The following UTP20 variants were observed in gnomAD, a reference collection of about 807,000 sequenced individuals.
The protein encoded by UTP20 is small subunit processome component 20 homolog.
Under a neutral mutation model 329.5 loss-of-function variants are expected in UTP20, and 164 were observed. The ratio of observed to expected loss-of-function variants is 0.50; its 90% CI spans 0.44 to 0.57. The LOEUF (loss-of-function observed/expected upper bound fraction) is 0.57. UTP20 is among the 20% of genes least tolerant of loss of function. UTP20 has a pLI of 0.00. For synonymous variants in UTP20, 1,151 were observed against 1,159.3 expected, an observed-to-expected ratio of 0.99 and a Z score of 0.14; for missense variants, 3,055 against 3,284.2, an observed-to-expected ratio of 0.93 and a Z score of 1.71.
chr12:101,320,425 G>A (rs1286155284), intron 23 of UTP20, among the ~76,000 whole-genome samples: 1 of 152,016 alleles, frequency 6.6e-6, no homozygotes. Flanking sequence ...GTGTGGTGGT[G>A]GGTGCCTGTG....
Position 101,353,058 on chromosome 12 carries a change from T to A in UTP20, c.5036T>A (p.Ile1679Lys). Residue 1679 changes from isoleucine to lysine, a missense_variant, in exon 40 of 62, where the codon ATA becomes AAA. Physicochemically the swap from Ile to Lys is moderately radical, Grantham distance 102. This residue lies in a region of UTP20 where 2,445 missense variants were observed against 2,575.5 expected (regional missense o/e 0.95). Transcript: ENST00000261637. ...TTTTTTTTTAACAGTTTGCTAGTAA[T>A]AGTGTTAGAAGCATTCCACTTTGAC... ...NQKLGVSLLVIVLEAFHFDHK... is the reference protein window; with the variant it reads ...NQKLGVSLLVKVLEAFHFDHK... 1 of 1,563,248 alleles carries A rather than the reference T, an allele frequency of 6.4e-7. No individual in the cohort carries two copies. Among genetic ancestry groups the A allele is most frequent in the Non-Finnish European group, 8.7e-7 (1 of 1,149,196 alleles).
chr12:101,307,403 G>T (rs576286137), intron 17 of UTP20, among the ~76,000 whole-genome samples: 77 of 151,616 alleles, frequency 5.1e-4, no homozygotes, highest in African/African-American at 1.6e-3. Flanking sequence ...TTTTTACGGG[G>T]TCTCACTCTG....
At chr12:101,307,328 A>G (rs1872668413) in intron 17 of UTP20, among the ~76,000 whole-genome samples, 2 of 139,246 alleles carry the variant, frequency 1.4e-5, no homozygotes, top group Admixed American at 1.4e-4. Context: ...CACACACATA[A>G]TTTAAACAAA....
Position 101,346,322 on chromosome 12 carries a change from T to C in UTP20, c.4747-129T>C, listed in dbSNP as rs112545285. ...CATCTCGGCCTCCCGAGTGCTAGGA[T>C]TACAGGCATGAGCCACCGCACCTGG... On this transcript the variant is annotated intron_variant, in intron 37 of 61. Transcript: ENST00000261637. 6.0e-3 allele frequency: 6,683 copies of C among 1,122,622 alleles called. 272 individuals carry two copies. The African/African-American group carries it at 0.096, about 16-fold the overall frequency. 69.5% of individuals were successfully genotyped at this position (1,122,622 alleles called of 1,614,324 possible).
At chr12:101,344,982 G>C (rs1869275150) in intron 36 of UTP20, among the ~76,000 whole-genome samples, 1 of 112,796 alleles carries the variant, frequency 8.9e-6, no homozygotes, top group Non-Finnish European at 1.6e-5. Flanking sequence ...GTCTCGCTCT[G>C]TTGCCCAGGC....
rs375436177 is a variant in UTP20, at chr12:101,369,709, T to C, written c.6385-12T>C. The C allele has an allele frequency of 2.1e-5, 31 of 1,445,124 alleles. No individual in the cohort carries two copies. Among genetic ancestry groups the C allele is most frequent in the Non-Finnish European group, 2.7e-5 (28 of 1,027,764 alleles). 89.5% of individuals were successfully genotyped at this position (1,445,124 alleles called of 1,614,324 possible). On this transcript the variant is annotated splice_polypyrimidine_tract_variant and intron_variant, in intron 48 of 61. Coordinates refer to ENST00000261637, the MANE Select transcript of UTP20 (RefSeq NM_014503.3). Reference sequence around the variant, plus strand: ...ATCACAAGTTGGTGGTGTTTTGTTTTGTTTTTTTCAGGTGATCACAGGTGC... The same window carrying C: ...ATCACAAGTTGGTGGTGTTTTGTTTCGTTTTTTTCAGGTGATCACAGGTGC...
At position 101,366,569 on chromosome 12, in the gene UTP20, C is replaced by T; in HGVS notation, c.6137C>T (p.Ala2046Val). The change falls in exon 47 of 62, where the codon GCC becomes GTC. Residue 2046 changes from alanine (A) to valine (V), a missense_variant. Physicochemically the swap from Ala to Val is moderately conservative, Grantham distance 64 (BLOSUM62 0). Coordinates refer to ENST00000261637, the MANE Select transcript of UTP20 (RefSeq NM_014503.3). ...CACGTGATTGACAGAAATCCAGTAG[C>T]CCCAGCACCAGATCCACGTCTACCA... ...LLTEKEKNPV[A>V]PAPDPRLPPQ... 6.2e-7 allele frequency: 1 copy of T among 1,613,210 alleles called. No homozygotes were observed.
At position 101,291,901 on chromosome 12, in the gene UTP20, C is replaced by T. The variant is rs780428530; in HGVS notation, c.1038+13C>T. The T allele has an allele frequency of 3.0e-5, 49 of 1,608,540 alleles. 2 individuals are homozygous for T. The South Asian group carries it at 5.1e-4, about 17-fold the overall frequency. On this transcript the variant is annotated intron_variant, in intron 9 of 61. Coordinates refer to ENST00000261637, the MANE Select transcript of UTP20 (RefSeq NM_014503.3). ...TGATGTCTGTAAGGTGAGTTCCCAA[C>T]TTAATATGCTCGAGAGTCTGGTTTT...
intron 2 of UTP20, 54 bp from the exon 3 acceptor site, chr12:101,285,516 T>C: frequency 1.3e-6 from 2 of 1,542,058 alleles, no homozygotes; most frequent in South Asian, 1.1e-5. Flanking sequence ...CTATTTACCT[T>C]GATCATTGCT....
intron 11 of UTP20, among the ~76,000 whole-genome samples, chr12:101,293,790 C>G (rs1872250979): frequency 1.3e-5 from 2 of 152,096 alleles, no homozygotes; most frequent in African/African-American, 4.8e-5. Flanking sequence ...TTGTACCTGT[C>G]CAAGATCTGT....
Position 101,290,866 on chromosome 12 carries a change from G to T in UTP20, c.869G>T (p.Gly290Val), listed in dbSNP as rs1259244073. 6.2e-7 allele frequency: 1 copy of T among 1,612,416 alleles called. No individual in the cohort carries two copies. The highest frequency in any genetic ancestry group is 1.1e-5 in the South Asian group (1 of 90,438). ...TVSYISKEHF[G>V]TFFECLQESL... ...TCCTACATCTCCAAGGAACATTTTG[G>T]TACATTTTTTGAATGTTTGCAAGTG... The change falls in exon 8 of 62, where the codon GGT becomes GTT. Residue 290 changes from glycine (G) to valine (V), a missense_variant. Gly to Val is a moderately radical substitution (Grantham distance 109). This residue lies in a region of UTP20 where 2,445 missense variants were observed against 2,575.5 expected (regional missense o/e 0.95). Transcript: ENST00000261637.
chr12:101,309,681 A>G, intron 18 of UTP20, 82 bp from the exon 19 acceptor site: 2 of 1,404,390 alleles, frequency 1.4e-6, no homozygotes, highest in Non-Finnish European at 2.0e-6. Flanking sequence ...AGGTTGTCCA[A>G]CTTGGGATGT....
intron 14 of UTP20, among the ~76,000 whole-genome samples, chr12:101,301,107 C>G (rs1872510000): frequency 6.6e-6 from 1 of 152,070 alleles, no homozygotes; most frequent in Non-Finnish European, 1.5e-5. Flanking sequence ...AGCTTGCAGT[C>G]CATATAGAAA....
chr12:101,353,801 T>C (rs1869622099), intron 40 of UTP20, among the ~76,000 whole-genome samples: 1 of 152,216 alleles, frequency 6.6e-6, no homozygotes, highest in Non-Finnish European at 1.5e-5. Flanking sequence ...TAATAAACAT[T>C]ACTAGGAATT....
chr12:101,305,209 G>A (rs552577484), intron 15 of UTP20, among the ~76,000 whole-genome samples: 2 of 151,802 alleles, frequency 1.3e-5, no homozygotes, highest in African/African-American at 4.8e-5. Flanking sequence ...TCTCCATGAC[G>A]CTCATCACTG....
intron 36 of UTP20, 38 bp downstream of exon 36, chr12:101,344,788 CTG>C (rs1358431781): frequency 6.3e-7 from 1 of 1,588,644 alleles, no homozygotes; most frequent in South Asian, 1.1e-5. Flanking sequence ...CTGTCTGAGG[CTG>C]TGTTTTGTTT....
chr12:101,368,468 G>A (rs1011247586), intron 48 of UTP20, among the ~76,000 whole-genome samples: 2 of 151,944 alleles, frequency 1.3e-5, no homozygotes, highest in African/African-American at 2.4e-5. Context: ...TTATGACATC[G>A]TGAACCACCA....
intron 28 of UTP20, among the ~76,000 whole-genome samples, chr12:101,333,729 T>C (rs2137270765): frequency 6.6e-6 from 1 of 152,298 alleles, no homozygotes; most frequent in East Asian, 1.9e-4. Context: ...GATAGAGTCT[T>C]GCTTACTGCA....
chr12:101,299,397 T>C (rs568255587), intron 12 of UTP20, among the ~76,000 whole-genome samples: 2 of 152,190 alleles, frequency 1.3e-5, no homozygotes, highest in Non-Finnish European at 2.9e-5. Context: ...ATCAAAAACA[T>C]GCCCAGGAGC....
Sources: gnomAD v4.1 joint callset for allele counts (sites outside exome capture counted in the v4.1 genomes callset) on GRCh38, gnomAD v4.1.1 for gene constraint, gnomAD v4.1.1 regional missense constraint, MANE v1.5 for transcripts, NCBI Gene and HGNC (gene_info 2026-07-23, HGNC 2026-07-21) for gene names.